The following VAV2 variants were observed in gnomAD, a reference collection of about 807,000 sequenced individuals.
The protein encoded by VAV2 is vav guanine nucleotide exchange factor 2.
Under a neutral mutation model 132.5 loss-of-function variants are expected in VAV2, and 67 were observed. That is an observed-to-expected ratio of 0.51 (90% CI 0.42 to 0.62). VAV2 has a LOEUF of 0.62. Among genes scored for constraint, VAV2 ranks in the 20% least tolerant of loss-of-function variants. The pLI, the probability that VAV2 is intolerant of heterozygous loss-of-function variation, is 0.00. For missense variants in VAV2, 938 were observed against 1,153.6 expected, an observed-to-expected ratio of 0.81 and a Z score of 2.71; for synonymous variants, 492 against 443.5, an observed-to-expected ratio of 1.11 and a Z score of -1.37.
At chr9:133,816,847 CATCT>C (rs1473871505) in intron 4 of VAV2, among the ~76,000 whole-genome samples, 4 of 152,206 alleles carry the variant, frequency 2.6e-5, no homozygotes, top group Admixed American at 6.5e-5. Context: ...CTATTCCATC[CATCT>C]ATTTGTCTAT....
rs983262970 is a variant in VAV2, at chr9:133,804,953, G to A, written c.836+1128C>T. On this transcript the variant is annotated intron_variant, in intron 9 of 29. Coordinates refer to ENST00000371850, the MANE Select transcript of VAV2 (RefSeq NM_001134398.2). This position sits in a 1 kb window ranked among gnomAD's most constrained non-coding sequence, Gnocchi z 4.5. Reference sequence around the variant, plus strand: ...GGGAACCCTCCAAGCCATGGCCCCTGGAGAGCAGGCTCCAGGACCCTCCTC... The same window carrying A: ...GGGAACCCTCCAAGCCATGGCCCCTAGAGAGCAGGCTCCAGGACCCTCCTC... Among the ~76,000 whole-genome samples, 2 of 152,154 alleles carry A rather than the reference G, an allele frequency of 1.3e-5. No homozygotes were observed. The highest frequency in any genetic ancestry group is 4.8e-5 in the African/African-American group (2 of 41,442).
intron 2 of VAV2, among the ~76,000 whole-genome samples, chr9:133,929,492 C>T (rs963026018): frequency 3.9e-5 from 6 of 152,054 alleles, no homozygotes; most frequent in African/African-American, 1.5e-4. Flanking sequence ...AGAGTGACAG[C>T]ACATGCCAGG....
chr9:133,913,966 G>A (rs186437119), intron 2 of VAV2, among the ~76,000 whole-genome samples: 5 of 152,304 alleles, frequency 3.3e-5, no homozygotes, highest in African/African-American at 9.6e-5. Context: ...GGAGCTCTTC[G>A]AAGGGGTTTC....
rs1193935397 is a variant in VAV2, at chr9:133,969,198, G to A, written c.204+22877C>T. ...ACGAGAGCTGGATTCCACCGTGCCC[G>A]CCGGGCCTGCGAGGACGAGCCTCTG... is the stretch of plus-strand genomic sequence containing the variant. On this transcript the variant is annotated intron_variant, in intron 1 of 29. Coordinates refer to ENST00000371850, the MANE Select transcript of VAV2 (RefSeq NM_001134398.2). This position sits in a 1 kb window ranked among gnomAD's most constrained non-coding sequence, Gnocchi z 5.1. 1.3e-5 allele frequency among the ~76,000 whole-genome samples: 2 copies of A among 151,398 alleles called. No individual in the cohort carries two copies.
chr9:133,777,566 G>T, intron 22 of VAV2, 103 bp from the exon 23 acceptor site: 2 of 1,162,660 alleles, frequency 1.7e-6, no homozygotes, highest in Non-Finnish European at 2.5e-6. Flanking sequence ...CGCTCCTGGA[G>T]GGTGGGAGAG....
chr9:133,883,420 G>C lies in VAV2; in HGVS notation c.322-21988C>G, dbSNP rs7032358. ...GCAGTCAGGGCCAGGGAGAGGAACA[G>C]AGCCGAGTCAGCTGCTGACCTGCTG... On this transcript the variant is annotated intron_variant, in intron 2 of 29. Transcript: ENST00000371850. This position sits in a 1 kb window ranked among gnomAD's most constrained non-coding sequence, Gnocchi z 4.2. Among the ~76,000 whole-genome samples, 5,494 of 152,258 alleles carry C rather than the reference G, an allele frequency of 0.036. 238 individuals carry two copies. The highest frequency in any genetic ancestry group is 0.11 in the African/African-American group (4,462 of 41,510).
chr9:133,894,099 A>G (rs2519776), intron 2 of VAV2, among the ~76,000 whole-genome samples: 151,765 of 152,370 alleles, frequency 1, 75,582 homozygotes, highest in Middle Eastern at 1. Context: ...GTCAGAATTC[A>G]GGGAAGCTGC....
chr9:133,991,014 C>T lies in VAV2; in HGVS notation c.204+1061G>A, dbSNP rs992739176. ...AAAGGGCAGAGGCCTCGCTGCCCAGCCTGGAATCGCTGGTGACTCACTCTC... is the reference window on the plus strand; with the variant it reads ...AAAGGGCAGAGGCCTCGCTGCCCAGTCTGGAATCGCTGGTGACTCACTCTC... On this transcript the variant is annotated intron_variant, in intron 1 of 29. Coordinates refer to ENST00000371850, the MANE Select transcript of VAV2 (RefSeq NM_001134398.2). This position sits in a 1 kb window ranked among gnomAD's most constrained non-coding sequence, Gnocchi z 4.8. 3.9e-5 allele frequency among the ~76,000 whole-genome samples: 6 copies of T among 152,346 alleles called. No homozygotes were observed. The highest frequency in any genetic ancestry group is 3.9e-4 in the East Asian group (2 of 5,178).
rs549616593 is a variant in VAV2, at chr9:133,836,219, C to T, written c.381-1879G>A. On this transcript the variant is annotated intron_variant, in intron 3 of 29. Transcript: ENST00000371850. ...ACAACCTGGAGGGGACTGGCCCACA[C>T]GCAGGTGACCCCAGAAAGCACAGGA... Among the ~76,000 whole-genome samples, 92 of 152,312 alleles carry T rather than the reference C, an allele frequency of 6.0e-4. 1 individual carries two copies. The highest frequency in any genetic ancestry group is 1.7e-4 in the African/African-American group (7 of 41,568).
At chr9:133,801,776 C>T (rs113735006) in intron 9 of VAV2, among the ~76,000 whole-genome samples, 3,737 of 152,252 alleles carry the variant, frequency 0.025, 137 homozygotes, top group African/African-American at 0.084. Flanking sequence ...CACAGAGACG[C>T]GGGGAGGCCA....
intron 4 of VAV2, among the ~76,000 whole-genome samples, chr9:133,815,522 T>C (rs1236776436): frequency 6.6e-6 from 1 of 152,138 alleles, no homozygotes; most frequent in Admixed American, 6.5e-5. Context: ...GAGCCTTGTC[T>C]GTAGAATGTC....
chr9:133,932,587 T>C (rs1840724740), intron 2 of VAV2, among the ~76,000 whole-genome samples: 1 of 152,214 alleles, frequency 6.6e-6, no homozygotes, highest in South Asian at 2.1e-4. Context: ...GTTCATTTTT[T>C]CACCGAGTCC....
Position 133,919,093 on chromosome 9 carries a change from T to A in VAV2, c.321+20010A>T, listed in dbSNP as rs1274998932. On this transcript the variant is annotated intron_variant, in intron 2 of 29. Transcript: ENST00000371850. This position sits in a 1 kb window ranked among gnomAD's most constrained non-coding sequence, Gnocchi z 5.8. ...CGGCCGCCACCATGTTTTTAAAGACTTCCCCACATCCCATCCTCACACTTT... is the reference window on the plus strand; with the variant it reads ...CGGCCGCCACCATGTTTTTAAAGACATCCCCACATCCCATCCTCACACTTT... 2.0e-5 allele frequency among the ~76,000 whole-genome samples: 3 copies of A among 152,034 alleles called. No individual in the cohort carries two copies. The highest frequency in any genetic ancestry group is 4.4e-5 in the Non-Finnish European group (3 of 67,988).
At chr9:133,891,808 A>AGGGGGATGGAGGG (rs1554801484) in intron 2 of VAV2, among the ~76,000 whole-genome samples, 1 of 6,510 alleles carries the variant, frequency 1.5e-4, no homozygotes, top group Non-Finnish European at 2.9e-4. Flanking sequence ...GGAGGGAGGG[A>AGGGGGATGGAGGG]GAGGGATGGA....
At chr9:133,801,462 G>A (rs1002524692) in intron 9 of VAV2, among the ~76,000 whole-genome samples, 6 of 152,210 alleles carry the variant, frequency 3.9e-5, no homozygotes, top group African/African-American at 7.2e-5. Flanking sequence ...CCAGGGTGAC[G>A]CCTCTGCAGA....
At chr9:133,808,225 A>G (rs1012543565) in intron 7 of VAV2, among the ~76,000 whole-genome samples, 2 of 152,232 alleles carry the variant, frequency 1.3e-5, no homozygotes, top group Non-Finnish European at 2.9e-5. Flanking sequence ...GACCTGGGCC[A>G]GGGTGTACAG....
intron 1 of VAV2, among the ~76,000 whole-genome samples, chr9:133,966,412 C>G (rs988915672): frequency 3.3e-5 from 5 of 152,188 alleles, no homozygotes; most frequent in African/African-American, 1.2e-4. Context: ...AACCAGAATA[C>G]ATAAAGAACT....
chr9:133,900,035 A>AG, intron 2 of VAV2, among the ~76,000 whole-genome samples: 1 of 150,208 alleles, frequency 6.7e-6, no homozygotes, highest in Non-Finnish European at 1.5e-5. Flanking sequence ...AAAATAAATA[A>AG]ATAAATAAAT....
At chr9:133,943,858 C>A (rs1256777272) in intron 1 of VAV2, among the ~76,000 whole-genome samples, 1 of 152,258 alleles carries the variant, frequency 6.6e-6, no homozygotes, top group Non-Finnish European at 1.5e-5. Flanking sequence ...TCGGCAGCCG[C>A]AGATCTAATC....
Sources: allele counts gnomAD v4.1 joint callset (sites outside exome capture counted in the v4.1 genomes callset), GRCh38; gene constraint gnomAD v4.1.1; non-coding constraint Gnocchi (gnomAD v3.1); transcripts MANE v1.5; gene names NCBI Gene and HGNC (gene_info 2026-07-23, HGNC 2026-07-21).